Variants in SAMD5 observed in about 807,000 individuals in gnomAD.
SAMD5 encodes the protein sterile alpha motif domain containing 5, also known as sterile alpha motif domain-containing protein 5.
In SAMD5, 13 loss-of-function variants were observed where a neutral mutation model predicts 11.3. That is an observed-to-expected ratio of 1.15 (90% CI 0.75 to 1.83). SAMD5 has a LOEUF of 1.83. SAMD5 is among the 40% of genes most tolerant of loss of function. The pLI, the probability that SAMD5 is intolerant of heterozygous loss-of-function variation, is 0.00. For missense variants in SAMD5, 255 were observed against 239.1 expected (o/e 1.07, Z -0.44); for synonymous variants, 129 against 111.3 (o/e 1.16, Z -1.00).
downstream of SAMD5, among the ~76,000 whole-genome samples, chr6:147,572,094 G>T (rs1163013457): frequency 6.6e-6 from 1 of 152,026 alleles, no homozygotes; most frequent in Non-Finnish European, 1.5e-5. Flanking sequence ...ATCTGGCATG[G>T]TGCAGGTGCT....
At chr6:147,549,599 G>A (rs1248253749) in intron 1 of SAMD5, among the ~76,000 whole-genome samples, 6 of 152,108 alleles carry the variant, frequency 3.9e-5, no homozygotes, top group South Asian at 2.1e-4. Flanking sequence ...TTCACACATC[G>A]CGTCGGTTTT....
At chr6:147,601,600 C>T (rs537116398) in intron 1 of SAMD5, among the ~76,000 whole-genome samples, 1 of 152,226 alleles carries the variant, frequency 6.6e-6, no homozygotes, top group South Asian at 2.1e-4. Flanking sequence ...ATGTACACGT[C>T]GTTTGAAGAT....
At chr6:147,551,845 T>C (rs1453361352) in intron 1 of SAMD5, among the ~76,000 whole-genome samples, 1 of 145,292 alleles carries the variant, frequency 6.9e-6, no homozygotes, top group Non-Finnish European at 1.5e-5. Flanking sequence ...TATGTATATA[T>C]GTATTTTAAC....
At chr6:147,864,680 G>A in the SAMD5 span, among the ~76,000 whole-genome samples, 1 of 152,230 alleles carries the variant, frequency 6.6e-6, no homozygotes, top group African/African-American at 2.4e-5. Context: ...GTTGTGGTGT[G>A]TGAATATAAG....
chr6:147,595,268 T>C (rs1032353333), intron 1 of SAMD5, among the ~76,000 whole-genome samples: 1 of 152,202 alleles, frequency 6.6e-6, no homozygotes, highest in African/African-American at 2.4e-5. Context: ...ATTGCTTTAT[T>C]CACACCATGC....
At chr6:147,646,307 C>G (rs1445515322) in intron 1 of SAMD5, among the ~76,000 whole-genome samples, 1 of 152,138 alleles carries the variant, frequency 6.6e-6, no homozygotes, top group South Asian at 2.1e-4. Context: ...GCCTGGGCGA[C>G]AGAGTGAGGC....
the SAMD5 span, among the ~76,000 whole-genome samples, chr6:147,831,293 A>G: frequency 6.6e-6 from 1 of 152,244 alleles, no homozygotes; most frequent in African/African-American, 2.4e-5. Flanking sequence ...TCTTCCTGTT[A>G]GTACCACCAC....
the SAMD5 span, among the ~76,000 whole-genome samples, chr6:147,922,814 T>G: frequency 6.6e-6 from 1 of 152,296 alleles, no homozygotes; most frequent in Non-Finnish European, 1.5e-5. Flanking sequence ...AATTGTAAAT[T>G]AATAGATTTC....
At chr6:147,916,309 A>G in the SAMD5 span, among the ~76,000 whole-genome samples, 5 of 152,160 alleles carry the variant, frequency 3.3e-5, no homozygotes, top group South Asian at 1.0e-3. Flanking sequence ...CTAGTTCTAG[A>G]TCCTTGAGGA....
chr6:147,678,586 G>A (rs1363420448), intron 1 of SAMD5, among the ~76,000 whole-genome samples: 2 of 152,048 alleles, frequency 1.3e-5, no homozygotes, highest in East Asian at 1.9e-4. Context: ...GAAAGATGGG[G>A]GACCTCATCT....
the SAMD5 span, among the ~76,000 whole-genome samples, chr6:147,771,659 T>C: frequency 3.4e-3 from 524 of 152,270 alleles, 2 homozygotes; most frequent in African/African-American, 0.012. Context: ...AGTCAAAATG[T>C]GAAGGTCCTC....
At chr6:147,609,408 C>A (rs918420929) in intron 1 of SAMD5, among the ~76,000 whole-genome samples, 1 of 152,192 alleles carries the variant, frequency 6.6e-6, no homozygotes, top group African/African-American at 2.4e-5. Flanking sequence ...GCCTCCAGAA[C>A]TGTGAGACAA....
the SAMD5 span, among the ~76,000 whole-genome samples, chr6:147,781,772 GCACACACACACACACACACACACA>G: frequency 6.8e-6 from 1 of 146,270 alleles, no homozygotes; most frequent in African/African-American, 2.5e-5. Context: ...ATTTGTGTGC[GCACACACACACACACACACACACA>G]CACACACACA....
chr6:147,770,112 T>G, the SAMD5 span, among the ~76,000 whole-genome samples: 2 of 152,350 alleles, frequency 1.3e-5, no homozygotes, highest in African/African-American at 2.4e-5. Context: ...CTTGGGTATA[T>G]AGCTGGGGAT....
intron 1 of SAMD5, among the ~76,000 whole-genome samples, chr6:147,531,224 A>G (rs1056356171): frequency 6.7e-6 from 1 of 150,242 alleles, no homozygotes; most frequent in African/African-American, 2.5e-5. Flanking sequence ...TTACTTGATT[A>G]ATTTTGGTTC....
chr6:147,618,969 G>T (rs1045005224), intron 1 of SAMD5, among the ~76,000 whole-genome samples: 3 of 152,224 alleles, frequency 2.0e-5, no homozygotes, highest in African/African-American at 7.2e-5. Flanking sequence ...AAAAATGGGA[G>T]CTATCCTTCC....
chr6:147,787,220 G>A, the SAMD5 span, among the ~76,000 whole-genome samples: 1 of 151,900 alleles, frequency 6.6e-6, no homozygotes, highest in Admixed American at 6.6e-5. Context: ...CTTTCCAATT[G>A]CCCATGGAAA....
chr6:147,701,135 A>G (rs960093817), intron 1 of SAMD5, among the ~76,000 whole-genome samples: 1 of 152,194 alleles, frequency 6.6e-6, no homozygotes, highest in East Asian at 1.9e-4. Context: ...TTATTATAAT[A>G]AACAGCCGTT....
chr6:147,829,127 A>T, the SAMD5 span, among the ~76,000 whole-genome samples: 56,699 of 152,128 alleles, frequency 0.37, 11,160 homozygotes, highest in South Asian at 0.45. Flanking sequence ...TTTAGGCCAA[A>T]TGGAAGTCCT....
Sources: gnomAD v4.1 joint callset for allele counts (sites outside exome capture counted in the v4.1 genomes callset) on GRCh38, gnomAD v4.1.1 for gene constraint, MANE v1.5 for transcripts, NCBI Gene and HGNC (gene_info 2026-07-23, HGNC 2026-07-21) for gene names.